RBFA: variants seen among roughly 807,000 people sequenced by gnomAD.
RBFA encodes ribosome binding factor A.
Under a neutral mutation model 27.9 loss-of-function variants are expected in RBFA, and 16 were observed. The observed-to-expected ratio is 0.57, with a 90% CI of 0.39 to 0.87. The LOEUF (loss-of-function observed/expected upper bound fraction) is 0.87. Ranked by LOEUF, RBFA falls within the 40% of genes least tolerant of loss-of-function variation. The probability of loss-of-function intolerance (pLI) is 0.00; values close to 1 mark genes in which losing one functional copy is unlikely to be tolerated. For missense variants in RBFA, 456 were observed against 432.1 expected (o/e 1.06, Z -0.49); for synonymous variants, 181 against 181.0 (o/e 1.00, Z 0.00).
At position 80,046,126 on chromosome 18, in the gene RBFA, G is replaced by A; in HGVS notation, c.1003G>A (p.Gly335Ser). The change falls in exon 7 of 7, where the codon GGC (glycine) becomes AGC (serine). Residue 335 changes from glycine to serine, a missense_variant. By Grantham distance (56) the Gly-to-Ser change is moderately conservative. Transcript: ENST00000306735. ...AERGGGRTED[G>S]HSCGASRE Reference sequence around the variant, plus strand: ...GAGAGGAGGTGGCAGAACAGAGGATGGCCACAGCTGCGGAGCAAGCAGGGA... The same window carrying A: ...GAGAGGAGGTGGCAGAACAGAGGATAGCCACAGCTGCGGAGCAAGCAGGGA... 6.2e-7 allele frequency: 1 copy of A among 1,614,086 alleles called. No homozygotes were observed. Among genetic ancestry groups the A allele is most frequent in the Non-Finnish European group, 8.5e-7 (1 of 1,180,004 alleles).
At chr18:80,034,709 C>A in intron 1 of RBFA, 56 bp downstream of exon 1, 1 of 1,584,520 alleles carries the variant, frequency 6.3e-7, no homozygotes. Flanking sequence ...GGCGGTGTCC[C>A]CGGGTTGCGG....
rs2052052041 is a variant in RBFA at position 80,046,096 on chromosome 18, G to A, written c.973G>A (p.Ala325Thr). The change falls in exon 7 of 7, where the codon GCA becomes ACA. Residue 325 changes from alanine (A) to threonine (T), a missense_variant. By Grantham distance (58) the Ala-to-Thr change is moderately conservative. Coordinates refer to ENST00000306735, the MANE Select transcript of RBFA (RefSeq NM_024805.3). ...TGCCCCGGACACAGAGGAGTTGGAG[G>A]CAGAGAGAGGAGGTGGCAGAACAGA... ...CYAPDTEELEAERGGGRTEDG... is the reference protein window; with the variant it reads ...CYAPDTEELETERGGGRTEDG... 2 of 1,614,060 alleles carry A rather than the reference G, an allele frequency of 1.2e-6. No individual in the cohort carries two copies. Among genetic ancestry groups the A allele is most frequent in the East Asian group, 2.2e-5 (1 of 44,886 alleles).
At chr18:80,034,856 CAA>C in intron 1 of RBFA, 2 of 547,792 alleles carry the variant, frequency 3.7e-6, no homozygotes, top group Non-Finnish European at 6.3e-6. Flanking sequence ...GTTAAGAAAA[CAA>C]AGTGACAATG....
At chr18:80,040,582 A>C (rs544213360) in intron 4 of RBFA, among the ~76,000 whole-genome samples, 2 of 152,292 alleles carry the variant, frequency 1.3e-5, no homozygotes, top group Non-Finnish European at 2.9e-5. Context: ...GACAGAGTGC[A>C]GAAGCAGCAG....
intron 4 of RBFA, among the ~76,000 whole-genome samples, chr18:80,040,218 A>G (rs942857377): frequency 6.8e-6 from 1 of 146,786 alleles, no homozygotes; most frequent in African/African-American, 2.5e-5. Flanking sequence ...GTCTTTTCCA[A>G]CACATAACTG....
rs925889580 is a variant in RBFA, at chr18:80,046,243, T to C, written c.*88T>C. The stretch of plus-strand genomic sequence containing the variant: ...GGCTTCATTGAGGCAGTTGATGGAG[T>C]TAAACCATCTGCTCTTCTGCTACTT... On this transcript the variant is annotated 3_prime_UTR_variant, in exon 7 of 7. Coordinates refer to ENST00000306735, the MANE Select transcript of RBFA (RefSeq NM_024805.3). The C allele has an allele frequency of 2.1e-6, 3 of 1,395,988 alleles. No individual in the cohort carries two copies. Among genetic ancestry groups the C allele is most frequent in the Admixed American group, 2.3e-5 (1 of 43,048 alleles). The allele number at this position is 1,395,988 out of a possible 1,614,324, so 86.5% of individuals were successfully genotyped here.
rs575001193 is a variant in RBFA, at chr18:80,048,344, G to A, written c.*2189G>A. Among the ~76,000 whole-genome samples the A allele has an allele frequency of 3.3e-5, 5 of 152,246 alleles. No homozygotes were observed. In the South Asian group the frequency reaches 6.2e-4, roughly 19 times the overall value. ...AGTGCTTTGTGTTAACCTGCCCCCC[G>A]CCCCCTAACTTGGGAAAGGTGTTAA... is the stretch of plus-strand genomic sequence containing the variant. On this transcript the variant is annotated 3_prime_UTR_variant, in exon 7 of 7. Coordinates refer to ENST00000306735, the MANE Select transcript of RBFA (RefSeq NM_024805.3).
chr18:80,044,248 CG>C lies in RBFA; in HGVS notation c.616del (p.Asp206MetfsTer66). On this transcript the variant is annotated frameshift_variant, in exon 6 of 7. Transcript: ENST00000306735. LOFTEE classifies it low-confidence loss of function (END_TRUNC). The part of the protein sequence containing the change: ...QLLAVADFGP[R>X]DERDNFVQND... ...ACTGGCAGTCGCAGACTTTGGACCC[CG>C]GGATGAAAGAGACAACTTTGTACAA... The C allele has an allele frequency of 1.2e-6, 2 of 1,614,164 alleles. No homozygotes were observed. Among genetic ancestry groups the C allele is most frequent in the Non-Finnish European group, 1.7e-6 (2 of 1,180,018 alleles).
intron 5 of RBFA, among the ~76,000 whole-genome samples, chr18:80,042,962 C>T (rs2052026463): frequency 6.6e-6 from 1 of 152,118 alleles, no homozygotes; most frequent in South Asian, 2.1e-4. Context: ...CTCAACACGG[C>T]CAGAGTTGCC....
rs1484165780 is a variant in RBFA at position 80,050,293 on chromosome 18, G to T, written c.*4138G>T. Among the ~76,000 whole-genome samples, 2 of 152,136 alleles carry T rather than the reference G, an allele frequency of 1.3e-5. No homozygotes were observed. Among genetic ancestry groups the T allele is most frequent in the African/African-American group, 4.8e-5 (2 of 41,412 alleles). On this transcript the variant is annotated 3_prime_UTR_variant, in exon 7 of 7. Coordinates refer to ENST00000306735, the MANE Select transcript of RBFA (RefSeq NM_024805.3). The stretch of plus-strand genomic sequence containing the variant: ...CTGGTTTGTGACACAGGAAGGGAGG[G>T]AACTGGGGAGGACAGGTCATGATCA...
chr18:80,046,114 A>G lies in RBFA; in HGVS notation c.991A>G (p.Arg331Gly). 1.2e-6 allele frequency: 2 copies of G among 1,614,188 alleles called. No individual in the cohort carries two copies. Among genetic ancestry groups the G allele is most frequent in the South Asian group, 1.1e-5 (1 of 91,070 alleles). Residue 331 changes from arginine (R) to glycine (G), a missense_variant, in exon 7 of 7, where the codon AGA (arginine) becomes GGA (glycine). Transcript: ENST00000306735. ...EELEAERGGG[R>G]TEDGHSCGAS... ...GTTGGAGGCAGAGAGAGGAGGTGGC[A>G]GAACAGAGGATGGCCACAGCTGCGG...
Position 80,034,647 on chromosome 18 carries a change from A to AATTAATGCGGC in RBFA, c.153_154insTTAATGCGGCA (p.Thr52LeufsTer31). 1 of 1,608,454 alleles carries AATTAATGCGGC rather than the reference A, an allele frequency of 6.2e-7. No individual in the cohort carries two copies. Among genetic ancestry groups the AATTAATGCGGC allele is most frequent in the Non-Finnish European group, 8.5e-7 (1 of 1,178,584 alleles). On this transcript the variant is annotated frameshift_variant, in exon 1 of 7. Transcript: ENST00000306735. LOFTEE classifies it high-confidence loss of function. ...AACTGGCTCAAGAAATTTGCCTCGA[A>AATTAATGCGGC]AACCAAGTAATGCGGCGGGGGCGGT...
rs1320693 is a variant in RBFA, at chr18:80,046,509, A to G, written c.*354A>G. The G allele has an allele frequency of 0.79, 175,124 of 222,984 alleles. 69,789 individuals carry two copies. Among genetic ancestry groups the G allele is most frequent in the East Asian group, 0.92 (6,740 of 7,366 alleles). 13.8% of individuals were successfully genotyped at this position (222,984 alleles called of 1,614,324 possible). Reference sequence around the variant, plus strand: ...GTCAGGCCACAGCAGTGGCCGGGGTAAGAACTGAACCTGCAAACCTGGGGA... The same window carrying G: ...GTCAGGCCACAGCAGTGGCCGGGGTGAGAACTGAACCTGCAAACCTGGGGA... On this transcript the variant is annotated 3_prime_UTR_variant, in exon 7 of 7. Coordinates refer to ENST00000306735, the MANE Select transcript of RBFA (RefSeq NM_024805.3).
At chr18:80,044,512 G>A (rs2052037534) in intron 6 of RBFA, among the ~76,000 whole-genome samples, 1 of 152,228 alleles carries the variant, frequency 6.6e-6, no homozygotes, top group African/African-American at 2.4e-5. Context: ...CATAACTCCT[G>A]CAGTGAGGAG....
At position 80,034,593 on chromosome 18, in the gene RBFA, G is replaced by T; in HGVS notation, c.98G>T (p.Gly33Val). Reference sequence around the variant, plus strand: ...GCGCTATTTCCAGGCTGCGAGCGGGGACTTCACTGCTCTGCTGTCTCCTGC... The same window carrying T: ...GCGCTATTTCCAGGCTGCGAGCGGGTACTTCACTGCTCTGCTGTCTCCTGC... ...DAALFPGCER[G>V]LHCSAVSCKN... is the part of the protein sequence containing the mutation. Residue 33 changes from glycine to valine, a missense_variant, in exon 1 of 7, where the codon GGA becomes GTA. By Grantham distance (109) the Gly-to-Val change is moderately radical. Coordinates refer to ENST00000306735, the MANE Select transcript of RBFA (RefSeq NM_024805.3). 4 of 1,609,958 alleles carry T rather than the reference G, an allele frequency of 2.5e-6. No individual in the cohort carries two copies. Among genetic ancestry groups the T allele is most frequent in the Non-Finnish European group, 3.4e-6 (4 of 1,179,162 alleles).
chr18:80,045,521 G>A lies in RBFA; in HGVS notation c.651-253G>A, dbSNP rs72972284. On this transcript the variant is annotated intron_variant, in intron 6 of 6. Coordinates refer to ENST00000306735, the MANE Select transcript of RBFA (RefSeq NM_024805.3). ...ATTACAGATGTGAGCCACCGTGCCC[G>A]GCGCAAATGCATTTATTGCATACAG... Among the ~76,000 whole-genome samples, 739 of 152,218 alleles carry A rather than the reference G, an allele frequency of 4.9e-3. 4 individuals are homozygous for A. The highest frequency in any genetic ancestry group is 5.6e-3 in the Non-Finnish European group (381 of 68,014).
At chr18:80,038,834 A>T (rs2051999052) in intron 4 of RBFA, among the ~76,000 whole-genome samples, 1 of 152,160 alleles carries the variant, frequency 6.6e-6, no homozygotes, top group African/African-American at 2.4e-5. Flanking sequence ...ATCACTAGGG[A>T]TCTGGAGATC....
rs1341796130 is a variant in RBFA at position 80,042,225 on chromosome 18, G to T, written c.576+6G>T. On this transcript the variant is annotated splice_donor_region_variant and intron_variant, in intron 5 of 6. Transcript: ENST00000306735. ...GAAATGCAGCTCTAGCTGAGGTAAG[G>T]TTTTCAAAAAAACTTTTTAAAATTT... The T allele has an allele frequency of 2.5e-6, 4 of 1,569,788 alleles. No individual in the cohort carries two copies. The highest frequency in any genetic ancestry group is 3.4e-6 in the Non-Finnish European group (4 of 1,162,360).
At chr18:80,042,778 AAG>A (rs1475186014) in intron 5 of RBFA, among the ~76,000 whole-genome samples, 12 of 152,256 alleles carry the variant, frequency 7.9e-5, no homozygotes, top group African/African-American at 2.9e-4. Context: ...AAAAAAAAAA[AAG>A]AGAAGAAACC....
Sources: gnomAD v4.1 joint callset for allele counts (sites outside exome capture counted in the v4.1 genomes callset) on GRCh38, gnomAD v4.1.1 for gene constraint, MANE v1.5 for transcripts, NCBI Gene and HGNC (gene_info 2026-07-23, HGNC 2026-07-21) for gene names.